The following MEF2A variants were observed in gnomAD, a reference collection of about 807,000 sequenced individuals.
MEF2A encodes myocyte enhancer factor 2A, also known as myocyte-specific enhancer factor 2A.
Under a neutral mutation model 55.8 loss-of-function variants are expected in MEF2A, and 28 were observed. The ratio of observed to expected loss-of-function variants is 0.50; its 90% confidence interval spans 0.37 to 0.69. The LOEUF is 0.69. MEF2A is among the 30% of genes least tolerant of loss of function. The pLI is 0.00. For missense variants in MEF2A, 528 were observed against 626.2 expected (o/e 0.84, Z 1.67); for synonymous variants, 239 against 227.1 (o/e 1.05, Z -0.47).
At chr15:99,697,659 AGATT>A (rs1259005565) in intron 8 of MEF2A, among the ~76,000 whole-genome samples, 1 of 152,220 alleles carries the variant, frequency 6.6e-6, no homozygotes, top group Non-Finnish European at 1.5e-5. Context: ...ATTTCTTCCC[AGATT>A]GATCTGTAGA....
rs2047431749 is a variant in MEF2A at position 99,654,777 on chromosome 15, C to A, written c.258+9013C>A. On this transcript the variant is annotated intron_variant, in intron 4 of 11. Transcript: ENST00000557942. ...ACAGCATCATATAAAGCAGCACTAT[C>A]TAATAGAATTTGTTCCATATTTGTG... Among the ~76,000 whole-genome samples the A allele has an allele frequency of 2.6e-5, 4 of 152,106 alleles. No homozygotes were observed. In the South Asian group the frequency reaches 6.2e-4, roughly 24 times the overall value.
At chr15:99,661,670 A>C (rs993437997) in intron 4 of MEF2A, among the ~76,000 whole-genome samples, 13 of 152,230 alleles carry the variant, frequency 8.5e-5, no homozygotes, top group African/African-American at 3.1e-4. Flanking sequence ...TTGCAAATTA[A>C]ATCCCACAGG....
intron 1 of MEF2A, chr15:99,566,729 G>GTT (rs1241700917): frequency 1.3e-5 from 2 of 152,350 alleles, no homozygotes; most frequent in Non-Finnish European, 2.9e-5. Flanking sequence ...TTCTGCTTTG[G>GTT]GAGAAGATTG....
At chr15:99,615,363 T>C (rs929361426) in intron 2 of MEF2A, among the ~76,000 whole-genome samples, 5 of 152,196 alleles carry the variant, frequency 3.3e-5, no homozygotes, top group Admixed American at 1.3e-4. Flanking sequence ...TTTATACTCA[T>C]TATTTTACAG....
At chr15:99,658,245 G>C (rs1473751429) in intron 4 of MEF2A, among the ~76,000 whole-genome samples, 1 of 152,148 alleles carries the variant, frequency 6.6e-6, no homozygotes, top group Non-Finnish European at 1.5e-5. Context: ...TGACATAGCA[G>C]AGTTGAATGA....
chr15:99,709,348 G>A (rs900875456), intron 10 of MEF2A, among the ~76,000 whole-genome samples: 4 of 152,238 alleles, frequency 2.6e-5, no homozygotes, highest in African/African-American at 9.6e-5. Flanking sequence ...AGGTTTGCAG[G>A]AAAGGATGGG....
chr15:99,685,865 G>C (rs2054115731), intron 7 of MEF2A, among the ~76,000 whole-genome samples: 1 of 152,128 alleles, frequency 6.6e-6, no homozygotes, highest in Non-Finnish European at 1.5e-5. Context: ...CTGTCATTTG[G>C]AATGGTAAAA....
chr15:99,639,234 T>C (rs2153447512), intron 3 of MEF2A, among the ~76,000 whole-genome samples: 1 of 152,314 alleles, frequency 6.6e-6, no homozygotes, highest in African/African-American at 2.4e-5. Context: ...CTGTCCTCTT[T>C]ATAATTTTTC....
chr15:99,660,871 A>G (rs181568195), intron 4 of MEF2A, among the ~76,000 whole-genome samples: 336 of 152,360 alleles, frequency 2.2e-3, no homozygotes, highest in African/African-American at 7.5e-3. Flanking sequence ...TATCAATCAG[A>G]ATCCCAAGAA....
intron 3 of MEF2A, among the ~76,000 whole-genome samples, chr15:99,644,927 A>G (rs1207153365): frequency 6.6e-6 from 1 of 152,204 alleles, no homozygotes; most frequent in Non-Finnish European, 1.5e-5. Context: ...TCGAAGAGAG[A>G]ATACAGAGCA....
At chr15:99,702,609 G>A (rs1190755553) in intron 8 of MEF2A, among the ~76,000 whole-genome samples, 1 of 151,916 alleles carries the variant, frequency 6.6e-6, no homozygotes, top group Admixed American at 6.6e-5. Context: ...TGTAGTTTTA[G>A]TAGAGACAAG....
intron 7 of MEF2A, among the ~76,000 whole-genome samples, chr15:99,679,881 G>C (rs1448303923): frequency 6.6e-6 from 1 of 152,062 alleles, no homozygotes; most frequent in Admixed American, 6.5e-5. Context: ...TACATTTTGT[G>C]GTATTTATAC....
intron 2 of MEF2A, among the ~76,000 whole-genome samples, chr15:99,630,222 C>T (rs2042735694): frequency 6.6e-6 from 1 of 152,040 alleles, no homozygotes; most frequent in Non-Finnish European, 1.5e-5. Context: ...TCTGAGACTC[C>T]AGTTACATGT....
intron 10 of MEF2A, among the ~76,000 whole-genome samples, chr15:99,710,431 C>T (rs939525226): frequency 3.3e-5 from 5 of 152,162 alleles, no homozygotes; most frequent in Admixed American, 6.5e-5. Flanking sequence ...TTAGCAGATA[C>T]GGGGTTTCAC....
intron 7 of MEF2A, among the ~76,000 whole-genome samples, chr15:99,680,679 T>C (rs375907448): frequency 2.0e-5 from 3 of 152,292 alleles, no homozygotes; most frequent in African/African-American, 7.2e-5. Flanking sequence ...GTAAATGAAA[T>C]TTCAACTGAA....
chr15:99,606,950 A>G (rs931767291), intron 2 of MEF2A, among the ~76,000 whole-genome samples: 1 of 152,230 alleles, frequency 6.6e-6, no homozygotes, highest in Non-Finnish European at 1.5e-5. Flanking sequence ...AAATAAACTC[A>G]TGATACATTC....
At position 99,641,679 on chromosome 15, in the gene MEF2A, T is replaced by C. The variant is rs546467283; in HGVS notation, c.55-3882T>C. On this transcript the variant is annotated intron_variant, in intron 3 of 11. Transcript: ENST00000557942. ...CGGAGCTTGCAGTGAGTCGAGATCG[T>C]GCCACTTGCACTCCAGCCTGGGCGA... is the stretch of plus-strand genomic sequence containing the variant. 6.4e-3 allele frequency among the ~76,000 whole-genome samples: 981 copies of C among 152,102 alleles called. 9 individuals are homozygous for C. Among genetic ancestry groups the C allele is most frequent in the African/African-American group, 0.023 (935 of 41,448 alleles).
At chr15:99,572,534 C>T (rs1293899861) in intron 1 of MEF2A, among the ~76,000 whole-genome samples, 8 of 142,578 alleles carry the variant, frequency 5.6e-5, no homozygotes. Flanking sequence ...AAGGCAGAGG[C>T]CTTGTTCATC....
chr15:99,604,272 G>C (rs1045883851), intron 2 of MEF2A, among the ~76,000 whole-genome samples: 26 of 151,978 alleles, frequency 1.7e-4, no homozygotes, highest in Admixed American at 1.7e-3. Context: ...TGTTTCCCCT[G>C]TAATTTTAGT....
Sources: allele counts gnomAD v4.1 joint callset (sites outside exome capture counted in the v4.1 genomes callset), GRCh38; gene constraint gnomAD v4.1.1; transcripts MANE v1.5; gene names NCBI Gene and HGNC (gene_info 2026-07-23, HGNC 2026-07-21).